Variants in SYNDIG1 observed in about 807,000 individuals in gnomAD.
The protein encoded by SYNDIG1 is synapse differentiation inducing 1.
A neutral mutation model predicts 19.4 loss-of-function variants in SYNDIG1; 9 were observed. The observed-to-expected ratio is 0.46, with a 90% confidence interval of 0.28 to 0.81. The LOEUF is 0.81. Among genes scored for constraint, SYNDIG1 ranks in the 30% least tolerant of loss-of-function variants. The pLI, the probability that SYNDIG1 is intolerant of heterozygous loss-of-function variation, is 0.12. For missense variants in SYNDIG1, 311 were observed against 343.3 expected (o/e 0.91, Z 0.74); for synonymous variants, 141 against 145.9 (o/e 0.97, Z 0.24).
intron 1 of SYNDIG1, among the ~76,000 whole-genome samples, chr20:24,504,306 A>T (rs1461366903): frequency 6.6e-6 from 1 of 152,184 alleles, no homozygotes; most frequent in Admixed American, 6.5e-5. Flanking sequence ...TGGCTATCTG[A>T]TGGCTTGTTT....
At chr20:24,511,364 C>T (rs1406049526) in intron 1 of SYNDIG1, among the ~76,000 whole-genome samples, 1 of 152,162 alleles carries the variant, frequency 6.6e-6, no homozygotes, top group Non-Finnish European at 1.5e-5. Flanking sequence ...AAATCCCAAA[C>T]CCCGGCTCCA....
chr20:24,659,597 G>A (rs1005288534), intron 3 of SYNDIG1, among the ~76,000 whole-genome samples: 3 of 152,226 alleles, frequency 2.0e-5, no homozygotes, highest in Non-Finnish European at 4.4e-5. Flanking sequence ...TGGCCCGGAA[G>A]ATGAATAGTG....
At chr20:24,647,753 T>C (rs2059435272) in intron 3 of SYNDIG1, among the ~76,000 whole-genome samples, 1 of 150,370 alleles carries the variant, frequency 6.7e-6, no homozygotes, top group South Asian at 2.1e-4. Context: ...ATGGGTGGAT[T>C]TTTTTTCCAG....
At chr20:24,546,006 A>G (rs1328663102) in intron 2 of SYNDIG1, among the ~76,000 whole-genome samples, 1 of 152,204 alleles carries the variant, frequency 6.6e-6, no homozygotes, top group Non-Finnish European at 1.5e-5. Context: ...GGACCAAGAA[A>G]TGGCCCCTTC....
At chr20:24,638,428 C>A (rs1324574676) in intron 3 of SYNDIG1, among the ~76,000 whole-genome samples, 1 of 152,182 alleles carries the variant, frequency 6.6e-6, no homozygotes, top group South Asian at 2.1e-4. Context: ...CATCAGGACT[C>A]ACTGCATCCT....
At chr20:24,557,712 C>T (rs192984275) in intron 2 of SYNDIG1, among the ~76,000 whole-genome samples, 44 of 152,244 alleles carry the variant, frequency 2.9e-4, no homozygotes, top group African/African-American at 1.0e-3. Flanking sequence ...TCAGTCTGCC[C>T]GTACTGGGGG....
intron 1 of SYNDIG1, among the ~76,000 whole-genome samples, chr20:24,482,016 G>C (rs2055812059): frequency 6.6e-6 from 1 of 152,116 alleles, no homozygotes; most frequent in South Asian, 2.1e-4. Flanking sequence ...TAATAATCTG[G>C]AAACAAACAT....
intron 2 of SYNDIG1, among the ~76,000 whole-genome samples, chr20:24,561,064 A>G (rs905080043): frequency 6.6e-6 from 1 of 151,120 alleles, no homozygotes; most frequent in Non-Finnish European, 1.5e-5. Flanking sequence ...GGGTCTGCAT[A>G]GCTTAGAGGT....
At chr20:24,545,931 A>G (rs2057567453) in intron 2 of SYNDIG1, among the ~76,000 whole-genome samples, 1 of 152,228 alleles carries the variant, frequency 6.6e-6, no homozygotes, top group African/African-American at 2.4e-5. Flanking sequence ...ACATCGATGA[A>G]ACAGCAAGTT....
chr20:24,498,199 C>T (rs1568586001), intron 1 of SYNDIG1, among the ~76,000 whole-genome samples: 2 of 152,218 alleles, frequency 1.3e-5, no homozygotes, highest in Non-Finnish European at 2.9e-5. Context: ...CCTCAGTGTA[C>T]ACCCCTGGAG....
chr20:24,609,054 G>C lies in SYNDIG1; in HGVS notation c.618+24061G>C, dbSNP rs146041771. 2.0e-5 allele frequency among the ~76,000 whole-genome samples: 3 copies of C among 152,140 alleles called. No individual in the cohort carries two copies. In the South Asian group the frequency reaches 6.2e-4, roughly 32 times the overall value. On this transcript the variant is annotated intron_variant, in intron 3 of 3. Transcript: ENST00000376862. ...GGGAATCCAGGGCTATTTTACGTACGTCTCAGTGTCATGGGTGTTTTAAAG... is the reference window on the plus strand; with the variant it reads ...GGGAATCCAGGGCTATTTTACGTACCTCTCAGTGTCATGGGTGTTTTAAAG...
intron 1 of SYNDIG1, among the ~76,000 whole-genome samples, chr20:24,497,184 G>A (rs1228008070): frequency 2.0e-5 from 3 of 151,922 alleles, no homozygotes; most frequent in Admixed American, 2.0e-4. Context: ...TTGTTTGTTT[G>A]TTTATGTGTT....
At chr20:24,657,969 C>A (rs755111073) in intron 3 of SYNDIG1, among the ~76,000 whole-genome samples, 1 of 152,146 alleles carries the variant, frequency 6.6e-6, no homozygotes, top group Non-Finnish European at 1.5e-5. Flanking sequence ...CTTGCGGAAG[C>A]CTGTCCCAGA....
intron 1 of SYNDIG1, among the ~76,000 whole-genome samples, chr20:24,520,510 T>C (rs1040376469): frequency 6.6e-6 from 1 of 151,956 alleles, no homozygotes; most frequent in Admixed American, 6.6e-5. Context: ...CTGGGAAACA[T>C]GGAGAAACCC....
At chr20:24,579,507 A>G (rs759106349) in intron 2 of SYNDIG1, among the ~76,000 whole-genome samples, 1 of 152,196 alleles carries the variant, frequency 6.6e-6, no homozygotes, top group Non-Finnish European at 1.5e-5. Flanking sequence ...ACTTATGTCA[A>G]AGGTGCTCTA....
At chr20:24,600,964 A>G (rs769704629) in intron 3 of SYNDIG1, among the ~76,000 whole-genome samples, 2 of 152,152 alleles carry the variant, frequency 1.3e-5, no homozygotes, top group African/African-American at 2.4e-5. Context: ...TTGCATCTGA[A>G]TGGCACTCTT....
intron 1 of SYNDIG1, among the ~76,000 whole-genome samples, chr20:24,498,298 T>A (rs903545109): frequency 1.3e-5 from 2 of 152,222 alleles, no homozygotes; most frequent in African/African-American, 4.8e-5. Flanking sequence ...TTATTAGTAG[T>A]AGTATTTGTG....
intron 2 of SYNDIG1, among the ~76,000 whole-genome samples, chr20:24,550,945 A>G (rs1008057590): frequency 3.9e-5 from 6 of 152,170 alleles, no homozygotes; most frequent in African/African-American, 1.4e-4. Context: ...GCCTATATTC[A>G]TGAGGGATGT....
chr20:24,503,664 T>C (rs1431542560), intron 1 of SYNDIG1, among the ~76,000 whole-genome samples: 1 of 150,742 alleles, frequency 6.6e-6, no homozygotes, highest in Non-Finnish European at 1.5e-5. Context: ...GCAGAACTCA[T>C]TTATTGAGCT....
Sources: gnomAD v4.1 joint callset for allele counts (sites outside exome capture counted in the v4.1 genomes callset) on GRCh38, gnomAD v4.1.1 for gene constraint, MANE v1.5 for transcripts, NCBI Gene and HGNC (gene_info 2026-07-23, HGNC 2026-07-21) for gene names.